The following TBCK variants were observed in gnomAD, a reference collection of about 807,000 sequenced individuals.
TBCK encodes the protein TBC1 domain containing kinase.
A neutral mutation model predicts 113.4 loss-of-function variants in TBCK; 99 were observed. That is an observed-to-expected ratio of 0.87 (90% CI 0.74 to 1.03). TBCK has a LOEUF of 1.03. TBCK is among the 50% of genes least tolerant of loss of function. The pLI is 0.00. For synonymous variants in TBCK, 369 were observed against 370.8 expected, an observed-to-expected ratio of 1.00 and a Z score of 0.05; for missense variants, 1,045 against 1,061.3, an observed-to-expected ratio of 0.98 and a Z score of 0.21.
At chr4:106,241,915 A>G (rs1760186849) in intron 12 of TBCK, among the ~76,000 whole-genome samples, 1 of 151,976 alleles carries the variant, frequency 6.6e-6, no homozygotes, top group Non-Finnish European at 1.5e-5. Context: ...CTATTCAATA[A>G]AAGAATCAAA....
In TBCK at chr4:106,171,208, C is replaced by G. The variant is rs201779302; in HGVS notation, c.2122G>C (p.Ala708Pro). 6.2e-7 allele frequency: 1 copy of G among 1,612,472 alleles called. No homozygotes were observed. The highest frequency in any genetic ancestry group is 8.5e-7 in the Non-Finnish European group (1 of 1,179,258). Residue 708 changes from alanine (A) to proline (P), a missense_variant, in exon 23 of 26, where the codon GCT becomes CCT. By Grantham distance (27) the Ala-to-Pro change is conservative. Coordinates refer to ENST00000394708, the MANE Select transcript of TBCK (RefSeq NM_001163435.3). ...GGTTGAGCATGCTGTCTGTAAGTAG[C>G]ACTTTTAGGAGTCCAACAAAACAGG... is the stretch of plus-strand genomic sequence containing the variant. ...INLFCWTPKSATYRQHAQPPK... is the reference protein window; with the variant it reads ...INLFCWTPKSPTYRQHAQPPK...
At chr4:106,289,520 C>T (rs1015198559) in intron 3 of TBCK, among the ~76,000 whole-genome samples, 1 of 151,988 alleles carries the variant, frequency 6.6e-6, no homozygotes, top group Non-Finnish European at 1.5e-5. Flanking sequence ...CCTGTAATCC[C>T]AGCACTTTGA....
intron 23 of TBCK, among the ~76,000 whole-genome samples, chr4:106,141,953 A>T (rs991551655): frequency 7.1e-6 from 1 of 141,560 alleles, no homozygotes; most frequent in African/African-American, 2.5e-5. Context: ...AAAAGTAATA[A>T]ACTAAGAAAT....
At chr4:106,251,753 T>C (rs1197144201) in intron 6 of TBCK, 113 bp downstream of exon 6, 6 of 991,766 alleles carry the variant, frequency 6.0e-6, no homozygotes, top group African/African-American at 1.6e-5. Flanking sequence ...TTTCTCCTCA[T>C]ATGTAATTAA....
intron 25 of TBCK, among the ~76,000 whole-genome samples, chr4:106,089,714 C>T (rs556816791): frequency 3.9e-5 from 6 of 152,338 alleles, no homozygotes; most frequent in East Asian, 3.9e-4. Flanking sequence ...AGAGGCAATA[C>T]GCCCACACAA....
intron 24 of TBCK, among the ~76,000 whole-genome samples, chr4:106,113,609 T>A (rs28765420): frequency 6.6e-6 from 1 of 151,876 alleles, no homozygotes; most frequent in Non-Finnish European, 1.5e-5. Context: ...GGACCCAACC[T>A]GGTACCAGAA....
chr4:106,296,939 A>G (rs943005232), intron 2 of TBCK, among the ~76,000 whole-genome samples: 1 of 152,210 alleles, frequency 6.6e-6, no homozygotes, highest in Non-Finnish European at 1.5e-5. Flanking sequence ...ATTTAGTACA[A>G]CAGTGAAATT....
At chr4:106,239,538 G>A (rs1181623695) in intron 12 of TBCK, among the ~76,000 whole-genome samples, 1 of 151,968 alleles carries the variant, frequency 6.6e-6, no homozygotes, top group Non-Finnish European at 1.5e-5. Flanking sequence ...ATTTTATAAA[G>A]GATGGCCAAC....
rs1398236029 is a variant in TBCK at position 106,295,129 on chromosome 4, A to G, written c.231T>C (p.Ser77=). 2.5e-6 allele frequency: 4 copies of G among 1,613,672 alleles called. No homozygotes were observed. Among genetic ancestry groups the G allele is most frequent in the African/African-American group, 1.3e-5 (1 of 75,030 alleles). ...LVVVAEHCER[S]LEDLLRERKP... is the part of the protein sequence containing the mutation. ...TCCTTTCTCGAAGCAAGTCTTCCAG[A>G]CTACGTTCACAATGTTCAGCCACGA... is the stretch of plus-strand genomic sequence containing the variant. The change falls in exon 3 of 26, where the codon AGT becomes AGC. Residue 77 remains serine, a synonymous_variant. Coordinates refer to ENST00000394708, the MANE Select transcript of TBCK (RefSeq NM_001163435.3).
chr4:106,222,700 C>T (rs1318253523), intron 19 of TBCK, among the ~76,000 whole-genome samples: 1 of 152,190 alleles, frequency 6.6e-6, no homozygotes, highest in South Asian at 2.1e-4. Flanking sequence ...TAAGAATGTG[C>T]CCAAACCAAA....
chr4:106,067,435 T>C (rs1052660666), intron 25 of TBCK, among the ~76,000 whole-genome samples: 1 of 152,128 alleles, frequency 6.6e-6, no homozygotes, highest in African/African-American at 2.4e-5. Context: ...GATTTACAAA[T>C]ATTTTCTCCC....
intron 19 of TBCK, among the ~76,000 whole-genome samples, chr4:106,217,067 A>G (rs371563303): frequency 2.6e-5 from 4 of 151,756 alleles, no homozygotes; most frequent in African/African-American, 7.3e-5. Context: ...TTCAATATAC[A>G]CAAATCAATA....
At position 106,144,788 on chromosome 4, in the gene TBCK, C is replaced by T. The variant is rs1747565167; in HGVS notation, c.2235+26307G>A. On this transcript the variant is annotated intron_variant, in intron 23 of 25. Coordinates refer to ENST00000394708, the MANE Select transcript of TBCK (RefSeq NM_001163435.3). ...CCTGTAATCCCAGCACTTTGGGAGA[C>T]CGAGACAGGTGGATCACCTGAGGTT... Among the ~76,000 whole-genome samples the T allele has an allele frequency of 2.6e-5, 4 of 152,036 alleles. No homozygotes were observed. In the South Asian group the frequency reaches 8.3e-4, roughly 32 times the overall value.
At chr4:106,129,129 A>G (rs1049785655) in intron 23 of TBCK, among the ~76,000 whole-genome samples, 2 of 152,238 alleles carry the variant, frequency 1.3e-5, no homozygotes, top group Non-Finnish European at 2.9e-5. Context: ...AAAATGATTT[A>G]TATAGACTAA....
intron 23 of TBCK, among the ~76,000 whole-genome samples, chr4:106,169,139 C>T (rs1215738414): frequency 6.6e-6 from 1 of 152,020 alleles, no homozygotes; most frequent in Admixed American, 6.6e-5. Context: ...CAGTTCTTCC[C>T]AAATTGATAT....
rs1579074571 is a variant in TBCK, at chr4:106,156,871, T to C, written c.2235+14224A>G. On this transcript the variant is annotated intron_variant, in intron 23 of 25. Transcript: ENST00000394708. ...GTACTCTACTTCCCTGTGGCTGAGT[T>C]GGTACCTAAGGTGTAAGACAAAGCT... Among the ~76,000 whole-genome samples the C allele has an allele frequency of 2.6e-5, 4 of 152,272 alleles. No homozygotes were observed. In the East Asian group the frequency reaches 7.7e-4, roughly 29 times the overall value.
chr4:106,049,113 C>T (rs1403162051), intron 25 of TBCK, among the ~76,000 whole-genome samples: 2 of 152,084 alleles, frequency 1.3e-5, no homozygotes, highest in African/African-American at 4.8e-5. Flanking sequence ...GCAGTGAAAC[C>T]ACGACTGCAT....
At chr4:106,125,316 C>G (rs946453348) in intron 23 of TBCK, among the ~76,000 whole-genome samples, 7 of 152,090 alleles carry the variant, frequency 4.6e-5, no homozygotes, top group Non-Finnish European at 8.8e-5. Flanking sequence ...AGATACAGAA[C>G]TAACCTAAAT....
At chr4:106,166,120 T>G (rs1055542328) in intron 23 of TBCK, among the ~76,000 whole-genome samples, 3 of 151,748 alleles carry the variant, frequency 2.0e-5, no homozygotes, top group Non-Finnish European at 4.4e-5. Flanking sequence ...AATATTCTTT[T>G]TACAGCATGC....
Sources: allele counts gnomAD v4.1 joint callset (sites outside exome capture counted in the v4.1 genomes callset), GRCh38; gene constraint gnomAD v4.1.1; transcripts MANE v1.5; gene names NCBI Gene and HGNC (gene_info 2026-07-23, HGNC 2026-07-21).